The following OPCML variants were observed in gnomAD, a reference collection of about 807,000 sequenced individuals.
OPCML encodes the protein opioid binding protein/cell adhesion molecule like.
Under a neutral mutation model 37.8 loss-of-function variants are expected in OPCML, and 13 were observed. The ratio of observed to expected loss-of-function variants is 0.34; its 90% CI spans 0.22 to 0.55. The LOEUF (loss-of-function observed/expected upper bound fraction) is 0.55. Among genes scored for constraint, OPCML ranks in the 20% least tolerant of loss-of-function variants. OPCML has a pLI of 0.91. For missense variants in OPCML, 341 were observed against 435.6 expected (o/e 0.78, Z 1.93); for synonymous variants, 176 against 168.8 (o/e 1.04, Z -0.33).
intron 1 of OPCML, among the ~76,000 whole-genome samples, chr11:133,400,036 C>T (rs1945368693): frequency 1.3e-5 from 2 of 152,110 alleles, no homozygotes; most frequent in Non-Finnish European, 2.9e-5. Context: ...TCCATAAGAA[C>T]ATCACAACTC....
chr11:132,525,323 T>C (rs973187102), intron 4 of OPCML, among the ~76,000 whole-genome samples: 7 of 152,230 alleles, frequency 4.6e-5, no homozygotes, highest in South Asian at 4.1e-4. Context: ...ATTGTTACTA[T>C]TTTTAATTTT....
intron 1 of OPCML, among the ~76,000 whole-genome samples, chr11:133,388,632 T>G (rs896132734): frequency 2.0e-5 from 3 of 152,204 alleles, no homozygotes; most frequent in Non-Finnish European, 4.4e-5. Flanking sequence ...GGAGGTAGGT[T>G]TCTTCTAGAG....
At chr11:133,127,767 A>T (rs1470127539) in intron 1 of OPCML, among the ~76,000 whole-genome samples, 1 of 152,156 alleles carries the variant, frequency 6.6e-6, no homozygotes, top group Admixed American at 6.5e-5. Context: ...ATTAAGAAGA[A>T]AAAAAGAAAA....
At chr11:133,083,521 G>A (rs1003048901) in intron 1 of OPCML, among the ~76,000 whole-genome samples, 1 of 152,246 alleles carries the variant, frequency 6.6e-6, no homozygotes, top group African/African-American at 2.4e-5. Flanking sequence ...CAGCGTGCCT[G>A]CTCCCAGGAA....
chr11:133,249,359 A>G (rs1941052392), intron 1 of OPCML, among the ~76,000 whole-genome samples: 2 of 152,170 alleles, frequency 1.3e-5, no homozygotes, highest in African/African-American at 4.8e-5. Context: ...GAGAACTAAA[A>G]GAGTGAGAAC....
At chr11:132,752,664 T>G (rs942988964) in intron 2 of OPCML, among the ~76,000 whole-genome samples, 3 of 145,210 alleles carry the variant, frequency 2.1e-5, no homozygotes, top group African/African-American at 8.1e-5. Context: ...TACTCAATGT[T>G]GTTTTTTTTT....
chr11:133,161,753 C>A (rs1443055801), intron 1 of OPCML, among the ~76,000 whole-genome samples: 1 of 152,106 alleles, frequency 6.6e-6, no homozygotes, highest in African/African-American at 2.4e-5. Context: ...TTGTTTGTAT[C>A]TCCTACCCTC....
At chr11:133,487,704 C>T (rs1362824658) in intron 1 of OPCML, among the ~76,000 whole-genome samples, 3 of 151,852 alleles carry the variant, frequency 2.0e-5, no homozygotes, top group South Asian at 2.1e-4. Context: ...GCAATAGATC[C>T]TAAATAGATA....
intron 2 of OPCML, among the ~76,000 whole-genome samples, chr11:132,857,308 T>G (rs1698924864): frequency 6.6e-6 from 1 of 152,256 alleles, no homozygotes; most frequent in Non-Finnish European, 1.5e-5. Flanking sequence ...AAATTCTTTG[T>G]ACAATTTTTA....
intron 2 of OPCML, among the ~76,000 whole-genome samples, chr11:132,900,478 AC>A (rs1944017852): frequency 6.6e-6 from 1 of 152,190 alleles, no homozygotes; most frequent in Admixed American, 6.6e-5. Context: ...GCCCACTGAT[AC>A]GCATTTCTTC....
intron 1 of OPCML, among the ~76,000 whole-genome samples, chr11:133,081,250 C>T (rs1375983107): frequency 6.6e-6 from 1 of 152,092 alleles, no homozygotes; most frequent in Non-Finnish European, 1.5e-5. Context: ...GCTCTTTGAA[C>T]AGTTAATTCT....
At chr11:132,437,147 C>A in intron 5 of OPCML, 75 bp downstream of exon 5, 1 of 1,552,190 alleles carries the variant, frequency 6.4e-7, no homozygotes, top group South Asian at 1.2e-5. Context: ...GAAAATGGCA[C>A]TGCCATTACC....
chr11:132,864,349 A>G (rs1337801716), intron 2 of OPCML, among the ~76,000 whole-genome samples: 3 of 152,216 alleles, frequency 2.0e-5, no homozygotes, highest in African/African-American at 7.2e-5. Flanking sequence ...CAGAAGGTGA[A>G]GGGAAAAACC....
intron 3 of OPCML, among the ~76,000 whole-genome samples, chr11:132,561,673 T>C (rs1476276069): frequency 6.6e-6 from 1 of 152,256 alleles, no homozygotes; most frequent in Non-Finnish European, 1.5e-5. Context: ...CACTGTAAAA[T>C]GAATTCATGT....
Position 133,334,321 on chromosome 11 carries a change from A to G in OPCML, c.61+197943T>C, listed in dbSNP as rs116815433. On this transcript the variant is annotated intron_variant, in intron 1 of 7. Coordinates refer to ENST00000524381, the MANE Select transcript of OPCML (RefSeq NM_001012393.5). ...GGAATATTATGCAGCAGTGAAAAAAAAGAACAAGATCATGTCTTTTGCAGG... is the reference window on the plus strand; with the variant it reads ...GGAATATTATGCAGCAGTGAAAAAAGAGAACAAGATCATGTCTTTTGCAGG... 3.9e-3 allele frequency among the ~76,000 whole-genome samples: 594 copies of G among 152,386 alleles called. 2 individuals carry two copies. Among genetic ancestry groups the G allele is most frequent in the African/African-American group, 0.014 (563 of 41,588 alleles).
In OPCML at chr11:132,955,763, T is replaced by G. The variant is rs187530511; in HGVS notation, c.62-12753A>C. 2.1e-3 allele frequency among the ~76,000 whole-genome samples: 315 copies of G among 152,112 alleles called. 2 individuals carry two copies. The highest frequency in any genetic ancestry group is 1.9e-3 in the East Asian group (10 of 5,162). On this transcript the variant is annotated intron_variant, in intron 1 of 7. Transcript: ENST00000524381. ...AGGGAATGGTGGTGTGTGCCTGTAA[T>G]CCCAGCTGCTCAGGAGGCCAAGGCA...
intron 2 of OPCML, among the ~76,000 whole-genome samples, chr11:132,707,574 A>T (rs1043286610): frequency 1.3e-5 from 2 of 152,228 alleles, no homozygotes; most frequent in African/African-American, 4.8e-5. Flanking sequence ...ACATTATTAC[A>T]TTATCCAGGC....
intron 2 of OPCML, among the ~76,000 whole-genome samples, chr11:132,906,194 C>T (rs532648628): frequency 4.6e-5 from 7 of 152,294 alleles, no homozygotes; most frequent in East Asian, 3.9e-4. Flanking sequence ...CATGACTCAT[C>T]GTAGAAATGC....
At chr11:132,681,509 C>T (rs146570961) in intron 2 of OPCML, among the ~76,000 whole-genome samples, 6 of 152,074 alleles carry the variant, frequency 3.9e-5, no homozygotes, top group African/African-American at 1.4e-4. Context: ...GGAAGATGAC[C>T]TTCCTGCTCC....
Sources: gnomAD v4.1 joint callset for allele counts (sites outside exome capture counted in the v4.1 genomes callset) on GRCh38, gnomAD v4.1.1 for gene constraint, MANE v1.5 for transcripts, NCBI Gene and HGNC (gene_info 2026-07-23, HGNC 2026-07-21) for gene names.